ATXN1: variants seen among roughly 807,000 people sequenced by gnomAD.
ATXN1 encodes the protein ataxin-1.
Under a neutral mutation model 56.4 loss-of-function variants are expected in ATXN1, and 8 were observed. That is an observed-to-expected ratio of 0.14 (90% CI 0.08 to 0.26). The LOEUF (loss-of-function observed/expected upper bound fraction) is 0.26. Ranked by LOEUF, ATXN1 falls within the 10% of genes least tolerant of loss-of-function variation. ATXN1 has a pLI of 1.00. For synonymous variants in ATXN1, 514 were observed against 494.6 expected (o/e 1.04, Z -0.52); for missense variants, 987 against 1,106.5 (o/e 0.89, Z 1.53).
At chr6:16,309,049 GA>G (rs2113377576) in intron 7 of ATXN1, among the ~76,000 whole-genome samples, 1 of 151,768 alleles carries the variant, frequency 6.6e-6, no homozygotes, top group Admixed American at 6.6e-5. Context: ...GCAACAAAAT[GA>G]GACCCCGTTT....
intron 2 of ATXN1, among the ~76,000 whole-genome samples, chr6:16,659,007 A>G (rs867375870): frequency 3.9e-5 from 6 of 152,166 alleles, no homozygotes; most frequent in South Asian, 2.1e-4. Flanking sequence ...TTCTGTAACT[A>G]TTACTTTATG....
At chr6:16,549,431 C>T (rs1248492537) in intron 4 of ATXN1, among the ~76,000 whole-genome samples, 1 of 152,142 alleles carries the variant, frequency 6.6e-6, no homozygotes, top group African/African-American at 2.4e-5. Flanking sequence ...TCTTATGGGA[C>T]TATCATGATA....
chr6:16,542,649 T>C (rs1399072538), intron 4 of ATXN1, among the ~76,000 whole-genome samples: 1 of 152,170 alleles, frequency 6.6e-6, no homozygotes, highest in Admixed American at 6.5e-5. Flanking sequence ...CACTAAGAAA[T>C]GCCACAATTG....
At chr6:16,367,938 C>T (rs1761958617) in intron 6 of ATXN1, among the ~76,000 whole-genome samples, 1 of 151,944 alleles carries the variant, frequency 6.6e-6, no homozygotes, top group African/African-American at 2.4e-5. Context: ...TAGGCTGAGG[C>T]GGGTGCATCA....
intron 3 of ATXN1, among the ~76,000 whole-genome samples, chr6:16,643,872 C>A (rs1442412502): frequency 1.3e-5 from 2 of 152,014 alleles, no homozygotes; most frequent in Non-Finnish European, 2.9e-5. Context: ...CCAATACAAC[C>A]CAGTTTCTGA....
Position 16,671,170 on chromosome 6 carries a change from C to T in ATXN1, c.-614-13269G>A, listed in dbSNP as rs1425375736. On this transcript the variant is annotated intron_variant, in intron 2 of 7. Transcript: ENST00000436367. Reference sequence around the variant, plus strand: ...AAATGTTGCTCAGTTCACCAACAGGCTTACTGAGTAGGTTCTTTAGAAAGA... The same window carrying T: ...AAATGTTGCTCAGTTCACCAACAGGTTTACTGAGTAGGTTCTTTAGAAAGA... Among the ~76,000 whole-genome samples the T allele has an allele frequency of 2.0e-5, 3 of 152,160 alleles. No individual in the cohort carries two copies. The East Asian group carries it at 5.8e-4, about 29-fold the overall frequency.
At chr6:16,527,895 T>C (rs187410432) in intron 4 of ATXN1, among the ~76,000 whole-genome samples, 9 of 152,304 alleles carry the variant, frequency 5.9e-5, no homozygotes, top group African/African-American at 1.4e-4. Context: ...GCACTTCTTA[T>C]AGGGACAGAG....
chr6:16,319,856 C>CT (rs533611516), intron 7 of ATXN1, among the ~76,000 whole-genome samples: 355 of 140,946 alleles, frequency 2.5e-3, no homozygotes, highest in African/African-American at 3.5e-3. Context: ...CATTTTTCTC[C>CT]TTTTTTTTTT....
chr6:16,556,364 A>G (rs1261692269), intron 4 of ATXN1, among the ~76,000 whole-genome samples: 2 of 152,180 alleles, frequency 1.3e-5, no homozygotes. Context: ...CCTTTACTAC[A>G]TATTCCTATA....
chr6:16,752,860 T>C (rs563505578), intron 2 of ATXN1: 1 of 188,520 alleles, frequency 5.3e-6, no homozygotes. Flanking sequence ...GCACATATTA[T>C]ACTACAACAG....
intron 5 of ATXN1, among the ~76,000 whole-genome samples, chr6:16,516,555 T>C (rs1184417887): frequency 1.3e-5 from 2 of 152,206 alleles, no homozygotes; most frequent in African/African-American, 2.4e-5. Flanking sequence ...GAGTTATGCA[T>C]GGAGGACAGT....
intron 6 of ATXN1, among the ~76,000 whole-genome samples, chr6:16,335,948 C>T (rs1014706511): frequency 2.6e-5 from 4 of 152,226 alleles, no homozygotes; most frequent in Non-Finnish European, 4.4e-5. Flanking sequence ...TAATTTTAGA[C>T]TTCAAGCCTC....
At chr6:16,628,485 T>C (rs547918157) in intron 3 of ATXN1, among the ~76,000 whole-genome samples, 1 of 152,308 alleles carries the variant, frequency 6.6e-6, no homozygotes, top group African/African-American at 2.4e-5. Flanking sequence ...TTATTTTAGG[T>C]TCAGGGGTAC....
chr6:16,730,014 G>A (rs977881660), intron 2 of ATXN1, among the ~76,000 whole-genome samples: 5 of 152,252 alleles, frequency 3.3e-5, no homozygotes, highest in Admixed American at 6.5e-5. Flanking sequence ...CAAGCGCGAT[G>A]GCGCACGCCT....
chr6:16,611,848 A>ATTTT (rs1476367660), intron 3 of ATXN1, among the ~76,000 whole-genome samples: 2 of 106,590 alleles, frequency 1.9e-5, no homozygotes, highest in Non-Finnish European at 4.0e-5. Flanking sequence ...AAGCAGATGA[A>ATTTT]ATTTTTTTTT....
intron 6 of ATXN1, among the ~76,000 whole-genome samples, chr6:16,447,675 TA>T (rs948376577): frequency 5.9e-5 from 9 of 151,794 alleles, no homozygotes; most frequent in Admixed American, 1.3e-4. Context: ...AAGGCGCTGA[TA>T]AAAAAAATAG....
intron 6 of ATXN1, among the ~76,000 whole-genome samples, chr6:16,391,099 T>C (rs567458795): frequency 2.7e-4 from 39 of 145,842 alleles, no homozygotes; most frequent in African/African-American, 9.8e-4. Context: ...GAGGCGGAGG[T>C]TGCAGTGAGC....
At chr6:16,687,874 G>A (rs1189656476) in intron 2 of ATXN1, among the ~76,000 whole-genome samples, 2 of 152,072 alleles carry the variant, frequency 1.3e-5, no homozygotes, top group Non-Finnish European at 2.9e-5. Context: ...GAAAACTAAA[G>A]GAAACAAACA....
chr6:16,411,086 C>T (rs1327725051), intron 6 of ATXN1, among the ~76,000 whole-genome samples: 2 of 138,980 alleles, frequency 1.4e-5, no homozygotes, highest in East Asian at 4.1e-4. Context: ...GATCACACCA[C>T]GGCACTCCAG....
Sources: allele counts gnomAD v4.1 joint callset (sites outside exome capture counted in the v4.1 genomes callset), GRCh38; gene constraint gnomAD v4.1.1; transcripts MANE v1.5; gene names NCBI Gene and HGNC (gene_info 2026-07-23, HGNC 2026-07-21).